ATP7A: variants seen among roughly 807,000 people sequenced by gnomAD.
ATP7A encodes ATPase copper transporting alpha.
Under a neutral mutation model 83.5 loss-of-function variants are expected in ATP7A, and 7 were observed. The observed-to-expected ratio is 0.08, with a 90% CI of 0.05 to 0.16. The LOEUF (loss-of-function observed/expected upper bound fraction) is 0.16. Among genes scored for constraint, ATP7A ranks in the 10% least tolerant of loss-of-function variants. The probability of loss-of-function intolerance (pLI) is 1.00; values close to 1 mark genes in which losing one functional copy is unlikely to be tolerated. For missense variants in ATP7A, 940 were observed against 1,120.8 expected (o/e 0.84, Z 2.30); for synonymous variants, 354 against 395.2 (o/e 0.90, Z 1.24).
intron 19 of ATP7A, among the ~76,000 whole-genome samples, chrX:78,041,317 C>G (rs1362516072): frequency 9.1e-6 from 1 of 109,864 alleles, no homozygotes; most frequent in Non-Finnish European, 1.9e-5. Context: ...CTCTTGTTGC[C>G]CAGGCTGAAG....
intron 14 of ATP7A, among the ~76,000 whole-genome samples, chrX:78,028,782 G>C (rs1208963787): frequency 8.9e-6 from 1 of 112,411 alleles, no homozygotes. Flanking sequence ...AGATATACTT[G>C]GTTCACATTG....
chrX:77,989,203 G>T (rs782725259), intron 3 of ATP7A, 30 bp from the exon 4 acceptor site: 2 of 1,183,466 alleles, frequency 1.7e-6, no homozygotes, highest in African/African-American at 1.8e-5. Context: ...AGGAATAACT[G>T]AATTAATTAT....
At chrX:78,020,911 T>G in intron 13 of ATP7A, 34 bp from the exon 14 acceptor site, 1 of 1,183,469 alleles carries the variant, frequency 8.4e-7, no homozygotes, top group Non-Finnish European at 1.1e-6. Flanking sequence ...GATATGCTTC[T>G]TCTTCTTATT....
intron 4 of ATP7A, among the ~76,000 whole-genome samples, chrX:77,996,402 A>G (rs1446669591): frequency 8.9e-6 from 1 of 112,276 alleles, no homozygotes; most frequent in Admixed American, 9.5e-5. Flanking sequence ...TTGTTGCCTC[A>G]AGTGCAGGAA....
intron 1 of ATP7A, among the ~76,000 whole-genome samples, chrX:77,965,732 G>A (rs1557228651): frequency 8.9e-6 from 1 of 111,833 alleles, no homozygotes; most frequent in African/African-American, 3.2e-5. Flanking sequence ...GCCAAAAGAT[G>A]GAAACAACCC....
intron 1 of ATP7A, among the ~76,000 whole-genome samples, chrX:77,971,041 C>T (rs782144893): frequency 2.7e-5 from 3 of 111,778 alleles, no homozygotes; most frequent in Non-Finnish European, 5.6e-5. Flanking sequence ...AAGAAGTTAG[C>T]CAAGCAGTTA....
chrX:77,998,693 C>T lies in ATP7A; in HGVS notation c.1543+9C>T. On this transcript the variant is annotated intron_variant, in intron 5 of 22. Coordinates refer to ENST00000341514, the MANE Select transcript of ATP7A (RefSeq NM_000052.7). ...TTTAAGGCGGGAAGAAGGTGAGACA[C>T]TCTTGAAGCTTGTTATTTTATGTGC... is the stretch of plus-strand genomic sequence containing the variant. 1 of 1,205,678 alleles carries T rather than the reference C, an allele frequency of 8.3e-7. No individual in the cohort carries two copies. Among genetic ancestry groups the T allele is most frequent in the Non-Finnish European group, 1.1e-6 (1 of 890,341 alleles).
intron 4 of ATP7A, among the ~76,000 whole-genome samples, chrX:77,991,981 C>T (rs1034695494): frequency 9.1e-6 from 1 of 110,135 alleles, no homozygotes; most frequent in Non-Finnish European, 1.9e-5. Context: ...GTGATCGTGT[C>T]ACTGTACTCC....
chrX:77,963,063 C>A (rs2077482669), intron 1 of ATP7A: 3 of 202,296 alleles, frequency 1.5e-5, no homozygotes, highest in African/African-American at 9.0e-5. Context: ...AATACTGATT[C>A]TATTTTTGAT....
rs2077655830 is a variant in ATP7A, at chrX:77,989,234, C to T, written c.612C>T (p.Val204=). ...ATTATATTTCTTTTTATTAACTAGT[C>T]TCCCTGGACAATCAAGAAGCTACTA... ...GKLQGVQRIK[V]SLDNQEATIV... Residue 204 remains valine (V), a splice_region_variant and synonymous_variant, in exon 4 of 23, where the codon GTC becomes GTT. Coordinates refer to ENST00000341514, the MANE Select transcript of ATP7A (RefSeq NM_000052.7). 8.3e-7 allele frequency: 1 copy of T among 1,203,337 alleles called. No homozygotes were observed.
intron 1 of ATP7A, among the ~76,000 whole-genome samples, chrX:77,937,418 C>G (rs1346834804): frequency 4.5e-5 from 5 of 112,335 alleles, no homozygotes; most frequent in Admixed American, 2.8e-4. Flanking sequence ...GAAATTAAAC[C>G]TGTATCTCCA....
chrX:77,921,392 C>G (rs1223655187), intron 1 of ATP7A, among the ~76,000 whole-genome samples: 4 of 112,120 alleles, frequency 3.6e-5, no homozygotes, highest in African/African-American at 1.3e-4. Context: ...TAGTGGACTT[C>G]TAGTCAGCCT....
chrX:77,925,570 A>G (rs781820332), intron 1 of ATP7A, among the ~76,000 whole-genome samples: 183 of 111,240 alleles, frequency 1.6e-3, no homozygotes, highest in Non-Finnish European at 2.8e-3. Flanking sequence ...CAGTTTTCCG[A>G]ATGCAGTTTG....
intron 19 of ATP7A, 141 bp downstream of exon 19, chrX:78,040,874 A>C: frequency 1.3e-6 from 1 of 795,197 alleles, no homozygotes; most frequent in South Asian, 2.3e-5. Context: ...AAAATTTACC[A>C]TGCTTTGCTG....
At chrX:78,045,447 A>G in intron 21 of ATP7A, 23 bp from the exon 22 acceptor site, 1 of 1,110,075 alleles carries the variant, frequency 9.0e-7, no homozygotes, top group Non-Finnish European at 1.2e-6. Context: ...ATCTACTCTA[A>G]CTAATCCATA....
chrX:77,976,796 TCTC>T (rs1322382158), intron 2 of ATP7A, among the ~76,000 whole-genome samples: 3 of 112,231 alleles, frequency 2.7e-5, no homozygotes, highest in Non-Finnish European at 5.6e-5. Flanking sequence ...ATATATTCCT[TCTC>T]CTAAGTTTTC....
chrX:77,923,282 C>G (rs2077224888), intron 1 of ATP7A: 3 of 111,765 alleles, frequency 2.7e-5, no homozygotes, highest in Non-Finnish European at 5.6e-5. Context: ...GGCAAATGAG[C>G]TTTCCTTCTC....
intron 1 of ATP7A, among the ~76,000 whole-genome samples, chrX:77,915,200 A>G (rs1225295809): frequency 9.0e-6 from 1 of 111,297 alleles, no homozygotes; most frequent in Non-Finnish European, 1.9e-5. Flanking sequence ...CTGTAGTCCC[A>G]GCTACTCAGG....
chrX:77,928,136 A>T (rs1407019089), intron 1 of ATP7A, among the ~76,000 whole-genome samples: 2 of 109,984 alleles, frequency 1.8e-5, no homozygotes, highest in Admixed American at 9.8e-5. Flanking sequence ...TAATTTAAAA[A>T]TTTTTTGTAG....
Sources: gnomAD v4.1 joint callset for allele counts (sites outside exome capture counted in the v4.1 genomes callset) on GRCh38, gnomAD v4.1.1 for gene constraint, MANE v1.5 for transcripts, NCBI Gene and HGNC (gene_info 2026-07-23, HGNC 2026-07-21) for gene names.